IPO11: variants seen among roughly 807,000 people sequenced by gnomAD.
The protein encoded by IPO11 is importin 11, also known as importin-11.
Under a neutral mutation model 143.2 loss-of-function variants are expected in IPO11, and 66 were observed. The ratio of observed to expected loss-of-function variants is 0.46; its 90% CI spans 0.38 to 0.57. The LOEUF (loss-of-function observed/expected upper bound fraction) is 0.57, where lower values mean the gene tolerates loss of function less well. Among genes scored for constraint, IPO11 ranks in the 20% least tolerant of loss-of-function variants. The pLI, the probability that IPO11 is intolerant of heterozygous loss-of-function variation, is 0.00. For missense variants in IPO11, 1,026 were observed against 1,141.0 expected (o/e 0.90, Z 1.45); for synonymous variants, 385 against 377.8 (o/e 1.02, Z -0.22).
chr5:62,437,505 T>C (rs1744283159), intron 2 of IPO11, 88 bp downstream of exon 2: 5 of 1,159,144 alleles, frequency 4.3e-6, no homozygotes, highest in South Asian at 3.4e-5. Flanking sequence ...ATTGGTAGTT[T>C]AGTGAAATAG....
At chr5:62,456,647 T>G (rs1241678214) in intron 5 of IPO11, among the ~76,000 whole-genome samples, 1 of 152,170 alleles carries the variant, frequency 6.6e-6, no homozygotes, top group Non-Finnish European at 1.5e-5. Context: ...AATCTTAAAT[T>G]TTTACTTCTG....
At chr5:62,618,029 A>G (rs1029945289) in intron 29 of IPO11, among the ~76,000 whole-genome samples, 1 of 152,156 alleles carries the variant, frequency 6.6e-6, no homozygotes, top group Admixed American at 6.5e-5. Context: ...ATATCTATAT[A>G]TAAAAATTCT....
At chr5:62,625,321 C>T (rs542344708) in intron 29 of IPO11, among the ~76,000 whole-genome samples, 1 of 152,306 alleles carries the variant, frequency 6.6e-6, no homozygotes, top group Admixed American at 6.5e-5. Context: ...GCTGTCATTA[C>T]CAACAGAGGG....
intron 26 of IPO11, among the ~76,000 whole-genome samples, chr5:62,557,187 G>C (rs1033766133): frequency 2.8e-4 from 43 of 152,100 alleles, no homozygotes; most frequent in African/African-American, 9.6e-4. Flanking sequence ...ATGGTCATGA[G>C]CTCTTTTTTT....
At chr5:62,624,422 C>T (rs544521689) in intron 29 of IPO11, among the ~76,000 whole-genome samples, 52 of 152,196 alleles carry the variant, frequency 3.4e-4, no homozygotes, top group African/African-American at 1.3e-3. Flanking sequence ...ATTTGTAAAC[C>T]GTCATGGTGC....
chr5:62,531,629 A>G (rs1742549343), intron 22 of IPO11, among the ~76,000 whole-genome samples: 2 of 152,182 alleles, frequency 1.3e-5, no homozygotes, highest in Non-Finnish European at 2.9e-5. Flanking sequence ...TCCCTGAGGT[A>G]TAATGAATGA....
At chr5:62,620,460 G>A (rs569727372) in intron 29 of IPO11, among the ~76,000 whole-genome samples, 20 of 150,744 alleles carry the variant, frequency 1.3e-4, no homozygotes, top group African/African-American at 3.2e-4. Context: ...CGGAGCTTGC[G>A]GTGAGCCAAG....
intron 1 of IPO11, among the ~76,000 whole-genome samples, chr5:62,428,211 A>G (rs1743831237): frequency 6.6e-6 from 1 of 150,834 alleles, no homozygotes; most frequent in South Asian, 2.1e-4. Context: ...TTTTTTTTTT[A>G]AAGAGACATG....
intron 5 of IPO11, among the ~76,000 whole-genome samples, chr5:62,458,365 A>G (rs961192789): frequency 3.4e-5 from 5 of 146,330 alleles, no homozygotes; most frequent in African/African-American, 7.6e-5. Flanking sequence ...CAGTGGTGCA[A>G]TCTCAGCTCA....
At chr5:62,558,360 C>A (rs987697084) in intron 26 of IPO11, among the ~76,000 whole-genome samples, 1 of 152,080 alleles carries the variant, frequency 6.6e-6, no homozygotes, top group African/African-American at 2.4e-5. Context: ...TTGAAGTGTT[C>A]AAGAACTACG....
intron 9 of IPO11, among the ~76,000 whole-genome samples, chr5:62,482,700 C>G (rs528399667): frequency 8.5e-4 from 129 of 152,238 alleles, no homozygotes; most frequent in African/African-American, 2.9e-3. Context: ...CATCTCCCTC[C>G]TTAGCTATTT....
chr5:62,431,900 C>G (rs1306612883), intron 1 of IPO11, among the ~76,000 whole-genome samples: 2 of 151,790 alleles, frequency 1.3e-5, no homozygotes, highest in Admixed American at 1.3e-4. Flanking sequence ...GAGATTGTAT[C>G]ACTGCACTCC....
chr5:62,578,603 A>G, intron 27 of IPO11: 1 of 439,292 alleles, frequency 2.3e-6, no homozygotes, highest in South Asian at 1.7e-5. Context: ...TTCAATGTGT[A>G]TATTAGGAAA....
At chr5:62,565,129 G>T (rs1456897111) in intron 27 of IPO11, among the ~76,000 whole-genome samples, 2 of 152,160 alleles carry the variant, frequency 1.3e-5, no homozygotes, top group Non-Finnish European at 2.9e-5. Context: ...GAATGGGAAA[G>T]ATATATTTTT....
intron 20 of IPO11, among the ~76,000 whole-genome samples, chr5:62,517,363 C>T (rs546769674): frequency 2.6e-5 from 4 of 152,202 alleles, no homozygotes; most frequent in Admixed American, 1.3e-4. Flanking sequence ...ATGAACGACC[C>T]GAGATATTTT....
chr5:62,610,563 T>A (rs778839826), intron 29 of IPO11, among the ~76,000 whole-genome samples: 2 of 152,224 alleles, frequency 1.3e-5, no homozygotes, highest in Non-Finnish European at 2.9e-5. Flanking sequence ...TATAAAAATG[T>A]GTGCAAATCC....
At chr5:62,523,952 C>T (rs969975142) in intron 20 of IPO11, among the ~76,000 whole-genome samples, 2 of 151,902 alleles carry the variant, frequency 1.3e-5, no homozygotes. Context: ...ATTCACAGGA[C>T]GTTTGAAAGA....
chr5:62,490,119 TA>T lies in IPO11; in HGVS notation c.1364del (p.Asn455MetfsTer5). On this transcript the variant is annotated frameshift_variant, in exon 15 of 30. Transcript: ENST00000325324. LOFTEE classifies it high-confidence loss of function. ...NALLIKDAVY[N>X]AVGLAAYELF... The stretch of plus-strand genomic sequence containing the variant: ...TTTCTTAAATTTTCTTCTCAGTGTA[TA>T]ATGCTGTTGGATTAGCTGCTTATGA... 1 of 1,588,870 alleles carries T rather than the reference TA, an allele frequency of 6.3e-7. No homozygotes were observed. Among genetic ancestry groups the T allele is most frequent in the Non-Finnish European group, 8.5e-7 (1 of 1,169,834 alleles).
At chr5:62,428,687 CAG>C (rs1372550353) in intron 1 of IPO11, among the ~76,000 whole-genome samples, 4 of 152,014 alleles carry the variant, frequency 2.6e-5, no homozygotes, top group East Asian at 3.9e-4. Flanking sequence ...TTTTTAGAGA[CAG>C]GGTCTCACTT....
Sources: allele counts gnomAD v4.1 joint callset (sites outside exome capture counted in the v4.1 genomes callset), GRCh38; gene constraint gnomAD v4.1.1; transcripts MANE v1.5; gene names NCBI Gene and HGNC (gene_info 2026-07-23, HGNC 2026-07-21).